MVP: variants seen among roughly 807,000 people sequenced by gnomAD.
MVP encodes lung resistance-related protein.
Under a neutral mutation model 83.5 loss-of-function variants are expected in MVP, and 62 were observed. That is an observed-to-expected ratio of 0.74 (90% confidence interval 0.61 to 0.92). MVP has a LOEUF of 0.92. Ranked by LOEUF, MVP falls within the 40% of genes least tolerant of loss-of-function variation. The pLI, the probability that MVP is intolerant of heterozygous loss-of-function variation, is 0.00. For missense variants in MVP, 1,000 were observed against 1,203.4 expected (o/e 0.83, Z 2.50); for synonymous variants, 505 against 504.1 (o/e 1.00, Z -0.02).
rs761579327 is a variant in MVP, at chr16:29,840,333, C to T, written c.1065C>T (p.Asp355=). ...DEEKVSHQAG[D]HWLIRGPLEY... ...AGAAGGTCTCACACCAGGCTGGGGA[C>T]CACTGGCTCATCCGCGGACCCCTGG... is the stretch of plus-strand genomic sequence containing the variant. Residue 355 remains aspartate, a synonymous_variant, in exon 8 of 15, where the codon GAC becomes GAT. Coordinates refer to ENST00000357402, the MANE Select transcript of MVP (RefSeq NM_005115.5). 1 of 1,611,796 alleles carries T rather than the reference C, an allele frequency of 6.2e-7. No homozygotes were observed. The highest frequency in any genetic ancestry group is 1.1e-5 in the South Asian group (1 of 90,782).
chr16:29,827,933 T>G (rs1349618793), intron 1 of MVP, among the ~76,000 whole-genome samples: 1 of 152,096 alleles, frequency 6.6e-6, no homozygotes, highest in African/African-American at 2.4e-5. Flanking sequence ...ATTTAAAAAT[T>G]TAGTTCCTCA....
In MVP at chr16:29,844,473, C is replaced by T. The variant is rs1234168227; in HGVS notation, c.1635-20C>T. 3 of 1,524,174 alleles carry T rather than the reference C, an allele frequency of 2.0e-6. No individual in the cohort carries two copies. In the Admixed American group the frequency reaches 6.5e-5, roughly 33 times the overall value. 94.4% of individuals were successfully genotyped at this position (1,524,174 alleles called of 1,614,324 possible). ...CCTGGGTGAAAGCAGCTTCCCCATT[C>T]TGGGCCTGTTTGTTCACAGGCACTT... On this transcript the variant is annotated intron_variant, in intron 10 of 14. Transcript: ENST00000357402.
chr16:29,835,619 A>G (rs1596918586), intron 5 of MVP, 85 bp from the exon 6 acceptor site: 1 of 1,107,202 alleles, frequency 9.0e-7, no homozygotes, highest in Non-Finnish European at 1.3e-6. Flanking sequence ...AAATCTGTCA[A>G]TCCCCTGTGT....
chr16:29,847,528 C>T lies in MVP; in HGVS notation c.2454+143C>T, dbSNP rs1232665717. On this transcript the variant is annotated intron_variant, in intron 14 of 14. Coordinates refer to ENST00000357402, the MANE Select transcript of MVP (RefSeq NM_005115.5). ...GACCCACGATGCAGGGACATTCACA[C>T]AGTGTCACGCTGCATCAACGTCAGG... 5.6e-6 allele frequency: 5 copies of T among 898,282 alleles called. No individual in the cohort carries two copies. In the Admixed American group the frequency reaches 8.4e-5, roughly 15 times the overall value. 55.6% of individuals were successfully genotyped at this position (898,282 alleles called of 1,614,324 possible).
intron 10 of MVP, among the ~76,000 whole-genome samples, chr16:29,842,792 C>T (rs2067545692): frequency 6.6e-6 from 1 of 152,196 alleles, no homozygotes; most frequent in African/African-American, 2.4e-5. Context: ...CACGCAAATC[C>T]AGGGAAGGCG....
intron 7 of MVP, 45 bp downstream of exon 7, chr16:29,837,003 T>C (rs2067493522): frequency 5.2e-6 from 8 of 1,538,788 alleles, no homozygotes; most frequent in African/African-American, 2.7e-5. Context: ...GGGAGATGTA[T>C]GTCCTCTAGT....
At chr16:29,828,655 C>T (rs1009503320) in intron 1 of MVP, among the ~76,000 whole-genome samples, 1 of 152,220 alleles carries the variant, frequency 6.6e-6, no homozygotes, top group Non-Finnish European at 1.5e-5. Context: ...GCTGGGATTA[C>T]AGGCTTGAGC....
chr16:29,834,039 G>T lies in MVP; in HGVS notation c.550G>T (p.Asp184Tyr). Residue 184 changes from aspartate (D) to tyrosine (Y), a missense_variant, in exon 5 of 15, where the codon GAC becomes TAC. Coordinates refer to ENST00000357402, the MANE Select transcript of MVP (RefSeq NM_005115.5). The stretch of plus-strand genomic sequence containing the variant: ...GCTCAGGGCCCGCAAGGAGTGCTGG[G>T]ACCGGGACGGCAAGGAGAGGGTGAC... ...LRLRARKECW[D>Y]RDGKERVTGE... 2 of 1,613,944 alleles carry T rather than the reference G, an allele frequency of 1.2e-6. No homozygotes were observed. Among genetic ancestry groups the T allele is most frequent in the South Asian group, 1.1e-5 (1 of 91,000 alleles).
chr16:29,834,442 G>A (rs2067469261), intron 5 of MVP: 2 of 284,018 alleles, frequency 7.0e-6, no homozygotes. Flanking sequence ...GCCAAGGTGG[G>A]TGAATCGTCT....
rs767426494 is a variant in MVP, at chr16:29,844,622, C to T, written c.1764C>T (p.Phe588=). The T allele has an allele frequency of 1.3e-5, 21 of 1,613,948 alleles. No individual in the cohort carries two copies. Among genetic ancestry groups the T allele is most frequent in the Non-Finnish European group, 1.6e-5 (19 of 1,179,958 alleles). Residue 588 remains phenylalanine, a synonymous_variant, in exon 11 of 15, where the codon TTC becomes TTT. Coordinates refer to ENST00000357402, the MANE Select transcript of MVP (RefSeq NM_005115.5). ...RVRGAVASVT[F]DDFHKNSARI... is the part of the protein sequence containing the mutation. Reference sequence around the variant, plus strand: ...GGGGGGCCGTGGCCTCTGTCACTTTCGATGACTTCCATAAGAACTCAGCCC... The same window carrying T: ...GGGGGGCCGTGGCCTCTGTCACTTTTGATGACTTCCATAAGAACTCAGCCC...
Position 29,844,586 on chromosome 16 carries a change from A to C in MVP, c.1728A>C (p.Ala576=), listed in dbSNP as rs1396778908. Residue 576 remains alanine, a synonymous_variant, in exon 11 of 15, where the codon GCA becomes GCC. Transcript: ENST00000357402. ...TAGGTGATGCCTGCAAAGCCATCGC[A>C]TCCCGGGTGCGGGGGGCCGTGGCCT... The part of the protein sequence containing the change: ...DFVGDACKAI[A]SRVRGAVASV... 6.2e-7 allele frequency: 1 copy of C among 1,612,916 alleles called. No homozygotes were observed. Among genetic ancestry groups the C allele is most frequent in the Admixed American group, 1.7e-5 (1 of 59,892 alleles).
Position 29,846,158 on chromosome 16 carries a change from C to A in MVP, c.2139C>A (p.Ser713Arg). Reference sequence around the variant, plus strand: ...TTACCTGACTCTGCCTTCTCCCCAGCATGGCCGTGGAGAGCACCGGGACTG... The same window carrying A: ...TTACCTGACTCTGCCTTCTCCCCAGAATGGCCGTGGAGAGCACCGGGACTG... ...RKELLELEAL[S>R]MAVESTGTAK... The change falls in exon 13 of 15, where the codon AGC becomes AGA. Residue 713 changes from serine to arginine, a missense_variant and splice_region_variant. Coordinates refer to ENST00000357402, the MANE Select transcript of MVP (RefSeq NM_005115.5). 6.2e-7 allele frequency: 1 copy of A among 1,609,738 alleles called. No homozygotes were observed. Among genetic ancestry groups the A allele is most frequent in the Non-Finnish European group, 8.5e-7 (1 of 1,177,998 alleles).
chr16:29,828,182 A>AACTC (rs1038134844), intron 1 of MVP, among the ~76,000 whole-genome samples: 2 of 151,872 alleles, frequency 1.3e-5, no homozygotes, highest in Non-Finnish European at 2.9e-5. Context: ...GCTGGTCTCA[A>AACTC]ACTCCTGACC....
At position 29,834,083 on chromosome 16, in the gene MVP, G is replaced by A. The variant is rs754352725; in HGVS notation, c.577+17G>A. On this transcript the variant is annotated intron_variant, in intron 5 of 14. Coordinates refer to ENST00000357402, the MANE Select transcript of MVP (RefSeq NM_005115.5). Reference sequence around the variant, plus strand: ...GGGTGACAGGTGGGGTCACCAAGGGGCGATGATGGTGGGTGGGCAGGAGGG... The same window carrying A: ...GGGTGACAGGTGGGGTCACCAAGGGACGATGATGGTGGGTGGGCAGGAGGG... 1.2e-6 allele frequency: 2 copies of A among 1,611,600 alleles called. No individual in the cohort carries two copies. The highest frequency in any genetic ancestry group is 1.3e-5 in the African/African-American group (1 of 75,022).
Position 29,841,901 on chromosome 16 carries a change from G to A in MVP, c.1437-14G>A, listed in dbSNP as rs749946855. The A allele has an allele frequency of 1.9e-5, 30 of 1,611,240 alleles. No homozygotes were observed. Among genetic ancestry groups the A allele is most frequent in the Non-Finnish European group, 2.3e-5 (27 of 1,180,000 alleles). On this transcript the variant is annotated splice_polypyrimidine_tract_variant and intron_variant, in intron 9 of 14. Transcript: ENST00000357402. The surrounding 1 kb of genome is among the most constrained non-coding windows in gnomAD (Gnocchi z 4.7). ...CTCCATGGGTCTGGCTCTGACCCTC[G>A]GCTGTCTCTGCAGCGTGGTCTTCGG...
intron 1 of MVP, chr16:29,822,580 C>T (rs1026343629): frequency 3.3e-5 from 5 of 152,090 alleles, no homozygotes; most frequent in Admixed American, 2.0e-4. Flanking sequence ...GCCGCATCAC[C>T]GACCTTACGT....
chr16:29,844,518 G>T lies in MVP; in HGVS notation c.1660G>T (p.Asp554Tyr). ...GCACTTTGAGGTGAATGACCGGAAG[G>T]ACCCCCAAGAGACGGCCAAGCTCTT... ...NWHFEVNDRK[D>Y]PQETAKLFSV... The change falls in exon 11 of 15, where the codon GAC (aspartate) becomes TAC (tyrosine). Residue 554 changes from aspartate to tyrosine, a missense_variant. By Grantham distance (160) the Asp-to-Tyr change is radical. Coordinates refer to ENST00000357402, the MANE Select transcript of MVP (RefSeq NM_005115.5). The T allele has an allele frequency of 6.4e-7, 1 of 1,552,524 alleles. No homozygotes were observed. The highest frequency in any genetic ancestry group is 8.7e-7 in the Non-Finnish European group (1 of 1,149,568).
At chr16:29,825,709 G>T (rs1292843842) in intron 1 of MVP, among the ~76,000 whole-genome samples, 7 of 152,228 alleles carry the variant, frequency 4.6e-5, no homozygotes, top group African/African-American at 1.7e-4. Context: ...GAGGCATTCA[G>T]ACCCCCTGAC....
In MVP at chr16:29,847,793, C is replaced by G; in HGVS notation, c.2486C>G (p.Ser829Ter). ...CTGCTCCAGTCCCTGGGCCTGAAAT[C>G]AACCCTCATCACCGATGGCTCCACT... ...VKLLQSLGLKSTLITDGSTPI... is the reference protein window; with the variant it reads ...VKLLQSLGLK The change falls in exon 15 of 15, where the codon TCA (serine) becomes TGA (stop). Residue 829 changes from serine to a stop codon, truncating the protein, a stop_gained. Coordinates refer to ENST00000357402, the MANE Select transcript of MVP (RefSeq NM_005115.5). LOFTEE classifies it low-confidence loss of function (END_TRUNC). 1.2e-6 allele frequency: 2 copies of G among 1,614,216 alleles called. No homozygotes were observed.
Sources: gnomAD v4.1 joint callset for allele counts (sites outside exome capture counted in the v4.1 genomes callset) on GRCh38, gnomAD v4.1.1 for gene constraint, Gnocchi (gnomAD v3.1) non-coding constraint, MANE v1.5 for transcripts, NCBI Gene and HGNC (gene_info 2026-07-23, HGNC 2026-07-21) for gene names.